MYOM2: variants seen among roughly 807,000 people sequenced by gnomAD.
MYOM2 encodes myomesin 2.
In MYOM2, 254 loss-of-function variants were observed where a neutral mutation model predicts 187.6. That is an observed-to-expected ratio of 1.35 (90% CI 1.22 to 1.50). MYOM2 has a LOEUF of 1.50. MYOM2 is among the 40% of genes most tolerant of loss of function. The pLI is 0.00. For synonymous variants in MYOM2, 981 were observed against 753.8 expected (o/e 1.30, Z -4.94); for missense variants, 2,796 against 1,924.0 (o/e 1.45, Z -8.48).
intron 10 of MYOM2, among the ~76,000 whole-genome samples, chr8:2,074,258 T>C (rs7817081): frequency 0.037 from 5,591 of 152,262 alleles, 336 homozygotes; most frequent in African/African-American, 0.13. Context: ...CTTACAGTGA[T>C]AGCAAAAGGA....
intron 21 of MYOM2, among the ~76,000 whole-genome samples, chr8:2,103,707 A>C (rs939662297): frequency 7.0e-6 from 1 of 143,282 alleles, no homozygotes; most frequent in Non-Finnish European, 1.5e-5. Context: ...GAGAGTGTGC[A>C]TGTATTAGTG....
At chr8:2,071,324 C>T (rs1819208068) in intron 8 of MYOM2, among the ~76,000 whole-genome samples, 1 of 152,058 alleles carries the variant, frequency 6.6e-6, no homozygotes, top group Non-Finnish European at 1.5e-5. Context: ...TCCCTACATG[C>T]ATGTGTCTGT....
chr8:2,091,817 G>A (rs960331290), intron 15 of MYOM2, among the ~76,000 whole-genome samples: 7 of 152,130 alleles, frequency 4.6e-5, no homozygotes, highest in African/African-American at 1.4e-4. Context: ...TGTGGCCCAG[G>A]TGGCCGGCAC....
chr8:2,117,767 T>G, intron 27 of MYOM2, 118 bp from the exon 28 acceptor site: 1 of 576,864 alleles, frequency 1.7e-6, no homozygotes. Context: ...TAATACATTC[T>G]TATGTATTAT....
chr8:2,110,954 C>G (rs147241394), intron 25 of MYOM2, among the ~76,000 whole-genome samples: 1 of 152,322 alleles, frequency 6.6e-6, no homozygotes, highest in African/African-American at 2.4e-5. Flanking sequence ...AAGTAGAAAA[C>G]ATCTAGCTTC....
At chr8:2,074,790 C>G (rs1474229398) in intron 10 of MYOM2, among the ~76,000 whole-genome samples, 1 of 152,172 alleles carries the variant, frequency 6.6e-6, no homozygotes, top group Non-Finnish European at 1.5e-5. Flanking sequence ...TGTTTCACTC[C>G]CCTCCTGCTT....
chr8:2,072,010 C>T (rs1202914280), intron 8 of MYOM2, among the ~76,000 whole-genome samples: 1 of 152,030 alleles, frequency 6.6e-6, no homozygotes, highest in Non-Finnish European at 1.5e-5. Context: ...CACTGGAATT[C>T]TGGGGGGACA....
chr8:2,143,214 T>C, intron 35 of MYOM2, 187 bp from the exon 36 acceptor site: 3 of 674,708 alleles, frequency 4.4e-6, no homozygotes, highest in Non-Finnish European at 8.0e-6. Flanking sequence ...TCTCCTCATC[T>C]ACCTTCCCTT....
rs138502457 is a variant in MYOM2 at position 2,102,446 on chromosome 8, G to A, written c.2620-221G>A. ...ATGCAGAGATAAAAAAATGAAAGAG[G>A]TTCCATCAGATTGGGAGCGAATGCG... On this transcript the variant is annotated intron_variant, in intron 20 of 36. Transcript: ENST00000262113. 4.1e-4 allele frequency among the ~76,000 whole-genome samples: 62 copies of A among 151,160 alleles called. No individual in the cohort carries two copies. The East Asian group carries it at 0.01, about 25-fold the overall frequency.
intron 36 of MYOM2, 37 bp downstream of exon 36, chr8:2,143,493 G>T (rs777297015): frequency 1.9e-6 from 3 of 1,612,766 alleles, no homozygotes; most frequent in East Asian, 2.2e-5. Flanking sequence ...GGGGGTGTCA[G>T]CACGGTGCGA....
intron 11 of MYOM2, among the ~76,000 whole-genome samples, chr8:2,076,889 C>G (rs1019880685): frequency 1.3e-5 from 2 of 152,180 alleles, no homozygotes; most frequent in African/African-American, 4.8e-5. Flanking sequence ...CGCTTGGAGC[C>G]TGGGAAGTGT....
rs545424149 is a variant in MYOM2 at position 2,063,688 on chromosome 8, A to C, written c.653+4443A>C. On this transcript the variant is annotated intron_variant, in intron 6 of 36. Transcript: ENST00000262113. Reference sequence around the variant, plus strand: ...AAATTATAAATCCAGCGTCATCACCACTTATAATTTGAGGACATGAGGCCC... The same window carrying C: ...AAATTATAAATCCAGCGTCATCACCCCTTATAATTTGAGGACATGAGGCCC... Among the ~76,000 whole-genome samples the C allele has an allele frequency of 2.0e-5, 3 of 152,296 alleles. No individual in the cohort carries two copies. In the East Asian group the frequency reaches 5.8e-4, roughly 29 times the overall value.
chr8:2,116,264 T>C lies in MYOM2; in HGVS notation c.3374T>C (p.Leu1125Pro). The C allele has an allele frequency of 6.2e-7, 1 of 1,613,068 alleles. No individual in the cohort carries two copies. Among genetic ancestry groups the C allele is most frequent in the Non-Finnish European group, 8.5e-7 (1 of 1,179,488 alleles). Residue 1125 changes from leucine (L) to proline (P), a missense_variant, in exon 27 of 37, where the codon CTC (leucine) becomes CCC (proline). Coordinates refer to ENST00000262113, the MANE Select transcript of MYOM2 (RefSeq NM_003970.4). ...GCTGAGTTTCAAAGGAAAGAATTTC[T>C]CAGGAAACAAGGTGAGTTTCCTCAC... is the stretch of plus-strand genomic sequence containing the variant. ...EEAEFQRKEF[L>P]RKQGPHFAEY...
At chr8:2,065,546 G>A (rs1445124774) in intron 6 of MYOM2, among the ~76,000 whole-genome samples, 1 of 152,080 alleles carries the variant, frequency 6.6e-6, no homozygotes, top group Non-Finnish European at 1.5e-5. Flanking sequence ...CTTCAGCCCG[G>A]GTGACAGTGT....
rs35420025 is a variant in MYOM2 at position 2,137,564 on chromosome 8, TTGTG to T, written c.3801-3144_3801-3141del. On this transcript the variant is annotated intron_variant, in intron 32 of 36. Transcript: ENST00000262113. ...ACATAGCCAAGTTGGCTGTGCCTGGTTGTGTGTGTGTGTGTGTGCATTTGTTTGA... is the reference window on the plus strand; with the variant it reads ...ACATAGCCAAGTTGGCTGTGCCTGGTTGTGTGTGTGTGTGCATTTGTTTGA... 2.3e-3 allele frequency among the ~76,000 whole-genome samples: 346 copies of T among 150,206 alleles called. 3 individuals carry two copies. Among genetic ancestry groups the T allele is most frequent in the African/African-American group, 7.6e-3 (309 of 40,842 alleles).
At position 2,094,037 on chromosome 8, in the gene MYOM2, G is replaced by C; in HGVS notation, c.2071G>C (p.Gly691Arg). 6.2e-7 allele frequency: 1 copy of C among 1,614,162 alleles called. No homozygotes were observed. The highest frequency in any genetic ancestry group is 8.5e-7 in the Non-Finnish European group (1 of 1,180,036). ...IFRVKAVNAV[G>R]MSENSQESDV... ...CCGAGTCAAGGCGGTCAATGCTGTG[G>C]GGATGAGTGAAAATTCCCAGGAATC... Residue 691 changes from glycine (G) to arginine (R), a missense_variant, in exon 17 of 37, where the codon GGG becomes CGG. By Grantham distance (125) the Gly-to-Arg change is moderately radical. Coordinates refer to ENST00000262113, the MANE Select transcript of MYOM2 (RefSeq NM_003970.4).
At chr8:2,143,893 A>T (rs1438918142) in intron 36 of MYOM2, among the ~76,000 whole-genome samples, 1 of 152,190 alleles carries the variant, frequency 6.6e-6, no homozygotes, top group Non-Finnish European at 1.5e-5. Flanking sequence ...AGGAAAAAAA[A>T]ATCTCTGCTC....
At position 2,140,759 on chromosome 8, in the gene MYOM2, C is replaced by A. The variant is rs34620424; in HGVS notation, c.3837C>A (p.Ile1279=). The A allele has an allele frequency of 6.2e-7, 1 of 1,613,948 alleles. No individual in the cohort carries two copies. The highest frequency in any genetic ancestry group is 1.7e-5 in the Admixed American group (1 of 59,988). ...TCTCATCCAGTGAGCATATGAGAAT[C>A]GGGGGGAGTGAAGAGATGGCTTGGC... ...AKISSSEHMR[I]GGSEEMAWLQ... is the part of the protein sequence containing the mutation. Residue 1279 remains isoleucine, a synonymous_variant, in exon 33 of 37, where the codon ATC becomes ATA. Transcript: ENST00000262113.
At chr8:2,126,772 G>A (rs1444373945) in intron 31 of MYOM2, among the ~76,000 whole-genome samples, 10 of 130,268 alleles carry the variant, frequency 7.7e-5, no homozygotes, top group South Asian at 2.8e-4. Flanking sequence ...GGGAGTACTA[G>A]GAGAGGCTGA....
Sources: gnomAD v4.1 joint callset for allele counts (sites outside exome capture counted in the v4.1 genomes callset) on GRCh38, gnomAD v4.1.1 for gene constraint, MANE v1.5 for transcripts, NCBI Gene and HGNC (gene_info 2026-07-23, HGNC 2026-07-21) for gene names.